The following DNAH5 variants were observed in gnomAD, a reference collection of about 807,000 sequenced individuals.
DNAH5 encodes axonemal beta dynein heavy chain 5.
Under a neutral mutation model 518.2 loss-of-function variants are expected in DNAH5, and 372 were observed. The observed-to-expected ratio is 0.72, with a 90% CI of 0.66 to 0.78. DNAH5 has a LOEUF of 0.78. DNAH5 is among the 30% of genes least tolerant of loss of function. DNAH5 has a pLI of 0.00. For missense variants in DNAH5, 5,523 were observed against 5,687.0 expected (o/e 0.97, Z 0.93); for synonymous variants, 2,039 against 2,025.9 (o/e 1.01, Z -0.17).
In DNAH5 at chr5:13,710,898, C is replaced by T. The variant is rs117329297; in HGVS notation, c.13126-2563G>A. 2.4e-3 allele frequency among the ~76,000 whole-genome samples: 368 copies of T among 152,198 alleles called. 7 individuals are homozygous for T. In the East Asian group the frequency reaches 0.054, roughly 22 times the overall value. On this transcript the variant is annotated intron_variant, in intron 75 of 78. Transcript: ENST00000265104. ...TTAAAAATTACCAACATAAAAAAAT[C>T]TAAGACCAGAAGGATTCACAGCAGA...
At chr5:13,702,431 G>A (rs1326104168) in intron 76 of DNAH5, among the ~76,000 whole-genome samples, 2 of 152,194 alleles carry the variant, frequency 1.3e-5, no homozygotes, top group East Asian at 3.8e-4. Context: ...AACTAAAAGA[G>A]ATGTGTGTTT....
At chr5:13,983,467 GAC>G (rs1782825892) in intron 1 of DNAH5, among the ~76,000 whole-genome samples, 1 of 152,184 alleles carries the variant, frequency 6.6e-6, no homozygotes. Flanking sequence ...TTAAAACTGA[GAC>G]ATGTTTAAAA....
At chr5:13,957,779 T>C (rs1007432606) in intron 1 of DNAH5, among the ~76,000 whole-genome samples, 1 of 151,660 alleles carries the variant, frequency 6.6e-6, no homozygotes, top group Non-Finnish European at 1.5e-5. Context: ...TTTAAGATCA[T>C]TAACTGCTTT....
chr5:13,946,494 C>G (rs943105612), upstream of DNAH5, among the ~76,000 whole-genome samples: 5 of 152,188 alleles, frequency 3.3e-5, no homozygotes, highest in Admixed American at 2.6e-4. Context: ...GCCACCTACC[C>G]CCGCCAGCCC....
intron 56 of DNAH5, 76 bp downstream of exon 56, chr5:13,770,673 T>C (rs1753211464): frequency 3.0e-6 from 4 of 1,355,290 alleles, no homozygotes; most frequent in South Asian, 2.4e-5. Flanking sequence ...CATTGCAAAA[T>C]AGCCACCAGG....
intron 35 of DNAH5, among the ~76,000 whole-genome samples, chr5:13,831,646 AAATGACTCAGCCCTT>A (rs1426511987): frequency 6.6e-6 from 1 of 152,240 alleles, no homozygotes; most frequent in African/African-American, 2.4e-5. Context: ...AAAGGCAAGT[AAATGACTCAGCCCTT>A]AATGTATGCA....
intron 34 of DNAH5, 126 bp from the exon 35 acceptor site, chr5:13,839,654 A>C (rs2151857816): frequency 1.2e-6 from 1 of 812,672 alleles, no homozygotes; most frequent in South Asian, 1.5e-5. Context: ...ACTATTTCAC[A>C]GGTGTCAACT....
At chr5:13,980,963 T>C (rs1442162853) in intron 1 of DNAH5, among the ~76,000 whole-genome samples, 6 of 152,220 alleles carry the variant, frequency 3.9e-5, no homozygotes, top group South Asian at 4.1e-4. Flanking sequence ...TTCTCTCAAG[T>C]CCTTCAGGTC....
chr5:13,986,854 A>G (rs1783086127), intron 1 of DNAH5, among the ~76,000 whole-genome samples: 2 of 152,252 alleles, frequency 1.3e-5, no homozygotes, highest in South Asian at 4.1e-4. Flanking sequence ...TCGTTCCTCT[A>G]TAGATTCCTG....
intron 52 of DNAH5, among the ~76,000 whole-genome samples, chr5:13,784,460 G>T (rs1014536695): frequency 6.6e-6 from 1 of 152,120 alleles, no homozygotes; most frequent in Non-Finnish European, 1.5e-5. Context: ...AAGTGCCCTC[G>T]TGCTGGGGAG....
rs566046963 is a variant in DNAH5, at chr5:13,816,200, G to C, written c.6988+1348C>G. Among the ~76,000 whole-genome samples the C allele has an allele frequency of 2.0e-5, 3 of 152,282 alleles. No homozygotes were observed. In the South Asian group the frequency reaches 6.2e-4, roughly 32 times the overall value. ...TACAGCAATTTCAGAGGAACACTGG[G>C]CAAAAAACTTGACAGCAGTCATACG... On this transcript the variant is annotated intron_variant, in intron 42 of 78. Coordinates refer to ENST00000265104, the MANE Select transcript of DNAH5 (RefSeq NM_001369.3).
intron 75 of DNAH5, among the ~76,000 whole-genome samples, chr5:13,713,109 A>G (rs111591235): frequency 1.6e-3 from 142 of 86,698 alleles, no homozygotes; most frequent in Admixed American, 2.0e-3. Flanking sequence ...GTGTGTGTGT[A>G]TATATATATA....
chr5:13,725,745 T>C (rs538623423), intron 70 of DNAH5, among the ~76,000 whole-genome samples: 11 of 152,282 alleles, frequency 7.2e-5, no homozygotes, highest in African/African-American at 2.4e-4. Flanking sequence ...AGCTCCACTT[T>C]CCAAGTTCAA....
intron 22 of DNAH5, among the ~76,000 whole-genome samples, chr5:13,874,961 G>A (rs184619759): frequency 6.6e-6 from 1 of 152,272 alleles, no homozygotes; most frequent in East Asian, 1.9e-4. Flanking sequence ...TGTGGTTGAG[G>A]CAGAATCATT....
chr5:13,889,298 A>G (rs925112311), intron 17 of DNAH5, among the ~76,000 whole-genome samples: 1 of 152,204 alleles, frequency 6.6e-6, no homozygotes, highest in Non-Finnish European at 1.5e-5. Context: ...AGTTTTTTAA[A>G]TGATGAGGAA....
At chr5:13,894,570 T>C in intron 16 of DNAH5, 80 bp downstream of exon 16, 1 of 1,458,438 alleles carries the variant, frequency 6.9e-7, no homozygotes, top group South Asian at 1.2e-5. Context: ...TATATCTCCA[T>C]ATTGATAAGA....
At chr5:13,967,774 T>C (rs185095203) in intron 1 of DNAH5, among the ~76,000 whole-genome samples, 291 of 143,974 alleles carry the variant, frequency 2.0e-3, no homozygotes, top group African/African-American at 6.8e-3. Flanking sequence ...AATTTGTAGA[T>C]TGCTTTTGGC....
At chr5:13,972,622 G>A (rs1208810303) in intron 1 of DNAH5, among the ~76,000 whole-genome samples, 2 of 152,226 alleles carry the variant, frequency 1.3e-5, no homozygotes, top group African/African-American at 4.8e-5. Context: ...GTTCCGCAGT[G>A]AGGATGAGTG....
At chr5:13,842,593 T>C (rs1373829942) in intron 32 of DNAH5, among the ~76,000 whole-genome samples, 1 of 152,080 alleles carries the variant, frequency 6.6e-6, no homozygotes, top group African/African-American at 2.4e-5. Flanking sequence ...AATATGATGA[T>C]TTTTAAAATC....
Sources: allele counts gnomAD v4.1 joint callset (sites outside exome capture counted in the v4.1 genomes callset), GRCh38; gene constraint gnomAD v4.1.1; transcripts MANE v1.5; gene names NCBI Gene and HGNC (gene_info 2026-07-23, HGNC 2026-07-21).